Variants in PLA2G2C observed in about 807,000 individuals in gnomAD.
PLA2G2C encodes the protein phospholipase A2 group IIC.
Under a neutral mutation model 14.3 loss-of-function variants are expected in PLA2G2C, and 15 were observed. The observed-to-expected ratio is 1.05, with a 90% CI of 0.70 to 1.62. The LOEUF (loss-of-function observed/expected upper bound fraction) is 1.62, where lower values mean the gene tolerates loss of function less well. Among genes scored for constraint, PLA2G2C ranks in the 40% most tolerant of loss-of-function variants. The pLI is 0.00. For synonymous variants in PLA2G2C, 79 were observed against 67.7 expected (o/e 1.17, Z -0.82); for missense variants, 162 against 173.2 (o/e 0.94, Z 0.36).
intron 4 of PLA2G2C, among the ~76,000 whole-genome samples, chr1:20,164,788 C>G (rs546170587): frequency 6.6e-6 from 1 of 152,250 alleles, no homozygotes; most frequent in African/African-American, 2.4e-5. Context: ...CTCGCTGCCC[C>G]CGCTCCTTCC....
At position 20,175,087 on chromosome 1, in the gene PLA2G2C, TCG is replaced by T. The variant is rs762935509; in HGVS notation, c.97_98del (p.Arg33LysfsTer18). On this transcript the variant is annotated frameshift_variant, in exon 3 of 5. Coordinates refer to ENST00000679259, the MANE Select transcript of PLA2G2C (RefSeq NM_001367969.2). LOFTEE classifies it high-confidence loss of function. ...ATCCGTAATATGAGAAGAAGGCACTTCGCCCCGTGATGTGTTTGACCCTCCTC... is the reference window on the plus strand; with the variant it reads ...ATCCGTAATATGAGAAGAAGGCACTTCCCCGTGATGTGTTTGACCCTCCTC... ...FQRRVKHITG[R>X]SAFFSYYGYG... 8 of 1,613,916 alleles carry T rather than the reference TCG, an allele frequency of 5.0e-6. No individual in the cohort carries two copies. The highest frequency in any genetic ancestry group is 6.8e-6 in the Non-Finnish European group (8 of 1,179,862).
chr1:20,165,654 C>CTGTGTGCATGCACATG (rs567045543), intron 4 of PLA2G2C, among the ~76,000 whole-genome samples: 177 of 152,284 alleles, frequency 1.2e-3, no homozygotes, highest in African/African-American at 4.1e-3. Context: ...AGCTGTCGCA[C>CTGTGTGCATGCACATG]TGTGTGCATG....
rs141003700 is a variant in PLA2G2C, at chr1:20,178,565, T to C, written c.-76-1126A>G. The stretch of plus-strand genomic sequence containing the variant: ...CCCAGCCAACCTTCACTTCAATTGC[T>C]GTGCGGGATGTTTTTTAATTAGGTT... On this transcript the variant is annotated intron_variant, in intron 1 of 4. Coordinates refer to ENST00000679259, the MANE Select transcript of PLA2G2C (RefSeq NM_001367969.2). 4.5e-4 allele frequency among the ~76,000 whole-genome samples: 68 copies of C among 152,322 alleles called. No homozygotes were observed. In the East Asian group the frequency reaches 0.011, roughly 25 times the overall value.
intron 1 of PLA2G2C, among the ~76,000 whole-genome samples, chr1:20,181,253 T>C (rs1172728849): frequency 2.0e-5 from 3 of 151,626 alleles, no homozygotes; most frequent in Non-Finnish European, 4.4e-5. Context: ...AGTGAATGAG[T>C]GTTAAGAGTC....
In PLA2G2C at chr1:20,163,733, G is replaced by T; in HGVS notation, c.*258C>A. On this transcript the variant is annotated 3_prime_UTR_variant, in exon 5 of 5. Transcript: ENST00000679259. ...TTACTTCTATATCCATGCATTTGTA[G>T]TCCTCCCCACTCCACAGAATGCCAG... The T allele has an allele frequency of 4.2e-6, 2 of 471,906 alleles. No individual in the cohort carries two copies. Among genetic ancestry groups the T allele is most frequent in the Middle Eastern group, 5.7e-4 (1 of 1,758 alleles). The allele number at this position is 471,906 out of a possible 1,614,324, so 29.2% of individuals were successfully genotyped here. A position where few individuals can be genotyped will look rare whatever the true frequency, so the allele number is the denominator to read the frequency against.
rs1255357637 is a variant in PLA2G2C, at chr1:20,184,796, G to GGAGGTGGGAGA, written c.-77+1553_-77+1563dup. Among the ~76,000 whole-genome samples, 3 of 152,064 alleles carry GGAGGTGGGAGA rather than the reference G, an allele frequency of 2.0e-5. No individual in the cohort carries two copies. The East Asian group carries it at 5.8e-4, about 29-fold the overall frequency. On this transcript the variant is annotated intron_variant, in intron 1 of 4. Transcript: ENST00000679259. Reference sequence around the variant, plus strand: ...GTATCTTCTAAGAGGGAGGAGGGAGGGAGGTGGGAGAGGGAGAGGTGGGAG... The same window carrying GGAGGTGGGAGA: ...GTATCTTCTAAGAGGGAGGAGGGAGGGAGGTGGGAGAGAGGTGGGAGAGGGAGAGGTGGGAG...
intron 1 of PLA2G2C, among the ~76,000 whole-genome samples, chr1:20,179,212 C>CTCTG (rs1553184473): frequency 0.018 from 2,662 of 149,842 alleles, 69 homozygotes; most frequent in African/African-American, 0.061. Context: ...GTCAGTTTCT[C>CTCTG]TGTGTGTGTG....
intron 1 of PLA2G2C, chr1:20,186,019 C>T (rs886370475): frequency 3.9e-5 from 6 of 151,914 alleles, no homozygotes; most frequent in African/African-American, 1.2e-4. Context: ...CCACCCGACC[C>T]CACCCGACCC....
intron 2 of PLA2G2C, among the ~76,000 whole-genome samples, chr1:20,176,615 T>A (rs1278166670): frequency 6.6e-6 from 1 of 152,248 alleles, no homozygotes; most frequent in African/African-American, 2.4e-5. Flanking sequence ...CGGTCATCCC[T>A]GCGTACAGGT....
At position 20,165,827 on chromosome 1, in the gene PLA2G2C, G is replaced by A. The variant is rs137952731; in HGVS notation, c.284-1670C>T. ...TGTTTGTGCGTGTGTGTGTGTGTGCGCGCGCGCATGTGTGTTTAGGGCTCT... is the reference window on the plus strand; with the variant it reads ...TGTTTGTGCGTGTGTGTGTGTGTGCACGCGCGCATGTGTGTTTAGGGCTCT... On this transcript the variant is annotated intron_variant, in intron 4 of 4. Transcript: ENST00000679259. Among the ~76,000 whole-genome samples, 1,209 of 151,730 alleles carry A rather than the reference G, an allele frequency of 8.0e-3. 9 individuals carry two copies. The highest frequency in any genetic ancestry group is 0.01 in the Middle Eastern group (3 of 294).
rs35377696 is a variant in PLA2G2C at position 20,179,212 on chromosome 1, CTGTGTGTGTG to C, written c.-76-1783_-76-1774del. Among the ~76,000 whole-genome samples, 967 of 149,866 alleles carry C rather than the reference CTGTGTGTGTG, an allele frequency of 6.5e-3. 12 individuals are homozygous for C. Among genetic ancestry groups the C allele is most frequent in the African/African-American group, 0.022 (922 of 41,000 alleles). On this transcript the variant is annotated intron_variant, in intron 1 of 4. Transcript: ENST00000679259. ...CAACTTCCCCTCTATGTCAGTTTCT[CTGTGTGTGTG>C]TGTGTGTGTGTGTGTTAGCTTGTTC...
intron 4 of PLA2G2C, among the ~76,000 whole-genome samples, chr1:20,166,067 C>T (rs1226823144): frequency 6.6e-6 from 1 of 152,240 alleles, no homozygotes; most frequent in Non-Finnish European, 1.5e-5. Flanking sequence ...TGTCTACCGA[C>T]AAGTGGTCCG....
At chr1:20,164,289 T>A (rs1471820718) in intron 4 of PLA2G2C, 132 bp from the exon 5 acceptor site, 2 of 852,472 alleles carry the variant, frequency 2.3e-6, no homozygotes, top group African/African-American at 3.4e-5. Context: ...CTGAAAGGGA[T>A]ACGTGTATGC....
chr1:20,172,584 A>G (rs994759660), intron 4 of PLA2G2C, among the ~76,000 whole-genome samples: 1 of 152,150 alleles, frequency 6.6e-6, no homozygotes, highest in African/African-American at 2.4e-5. Context: ...CAGAGAGTTC[A>G]GGAGGTACAC....
At chr1:20,168,505 G>A (rs893334290) in intron 4 of PLA2G2C, among the ~76,000 whole-genome samples, 7 of 152,206 alleles carry the variant, frequency 4.6e-5, no homozygotes, top group Non-Finnish European at 7.3e-5. Context: ...ACACAGAGAA[G>A]TAAACAAGAT....
intron 3 of PLA2G2C, among the ~76,000 whole-genome samples, chr1:20,173,599 A>G (rs532319361): frequency 6.6e-6 from 1 of 152,316 alleles, no homozygotes; most frequent in South Asian, 2.1e-4. Flanking sequence ...CTCTGAGGAG[A>G]CAACTGTCTG....
intron 1 of PLA2G2C, among the ~76,000 whole-genome samples, chr1:20,182,071 T>C (rs1282173193): frequency 6.6e-6 from 1 of 152,192 alleles, no homozygotes; most frequent in Non-Finnish European, 1.5e-5. Context: ...TGGTCAACAG[T>C]AGCCAAGGTG....
At chr1:20,166,845 T>A (rs1038385055) in intron 4 of PLA2G2C, among the ~76,000 whole-genome samples, 2 of 152,208 alleles carry the variant, frequency 1.3e-5, no homozygotes, top group African/African-American at 4.8e-5. Context: ...AGCAGCAGTC[T>A]TTTGCAGTGG....
intron 1 of PLA2G2C, among the ~76,000 whole-genome samples, chr1:20,178,342 CT>C (rs1260444872): frequency 6.6e-6 from 1 of 152,188 alleles, no homozygotes; most frequent in African/African-American, 2.4e-5. Context: ...GAAACAATAG[CT>C]CGGTTGAGCC....
Sources: gnomAD v4.1 joint callset for allele counts (sites outside exome capture counted in the v4.1 genomes callset) on GRCh38, gnomAD v4.1.1 for gene constraint, MANE v1.5 for transcripts, NCBI Gene and HGNC (gene_info 2026-07-23, HGNC 2026-07-21) for gene names.